Variants in MYT1 observed in about 807,000 individuals in gnomAD.
MYT1 encodes the protein myelin transcription factor I.
In MYT1, 23 loss-of-function variants were observed where a neutral mutation model predicts 123.0. The observed-to-expected ratio is 0.19, with a 90% confidence interval of 0.13 to 0.26. The LOEUF is 0.26. MYT1 is among the 10% of genes least tolerant of loss of function. MYT1 has a pLI of 1.00. For synonymous variants in MYT1, 518 were observed against 575.3 expected (o/e 0.90, Z 1.43); for missense variants, 1,125 against 1,472.5 (o/e 0.76, Z 3.86).
At chr20:64,228,033 T>C in intron 18 of MYT1, 62 bp downstream of exon 18, 3 of 1,525,838 alleles carry the variant, frequency 2.0e-6, no homozygotes, top group Non-Finnish European at 2.7e-6. Flanking sequence ...GTGTGTTTTA[T>C]AATGTAAAAA....
chr20:64,206,870 C>T (rs950807354), intron 6 of MYT1, among the ~76,000 whole-genome samples: 7 of 152,146 alleles, frequency 4.6e-5, no homozygotes, highest in African/African-American at 1.2e-4. Flanking sequence ...GACAACCCTA[C>T]GGGGCCTGCA....
intron 21 of MYT1, among the ~76,000 whole-genome samples, chr20:64,238,033 C>T (rs1169801043): frequency 2.0e-5 from 3 of 151,910 alleles, no homozygotes; most frequent in African/African-American, 7.3e-5. Context: ...GCTGCTGTTG[C>T]TGAGGGTTAG....
rs1982897069 is a variant in MYT1, at chr20:64,189,152, CG to C, written c.-98-910del. On this transcript the variant is annotated intron_variant, in intron 1 of 22. Transcript: ENST00000328439. The surrounding 1 kb of genome is among the most constrained non-coding windows in gnomAD (Gnocchi z 5.5). Reference sequence around the variant, plus strand: ...CATTTGGGGATGCACATCAAAAACACGAGGAAAAGAAAGAAAGTGGGTGGGA... The same window carrying C: ...CATTTGGGGATGCACATCAAAAACACAGGAAAAGAAAGAAAGTGGGTGGGA... Among the ~76,000 whole-genome samples, 1 of 152,156 alleles carries C rather than the reference CG, an allele frequency of 6.6e-6. No individual in the cohort carries two copies. The highest frequency in any genetic ancestry group is 1.5e-5 in the Non-Finnish European group (1 of 68,034).
rs1983449761 is a variant in MYT1 at position 64,205,216 on chromosome 20, C to T, written c.149+119C>T. 2.4e-6 allele frequency: 3 copies of T among 1,247,700 alleles called. No individual in the cohort carries two copies. The Admixed American group carries it at 6.0e-5, about 25-fold the overall frequency. 77.3% of individuals were successfully genotyped at this position (1,247,700 alleles called of 1,614,324 possible). A position where few individuals can be genotyped will look rare whatever the true frequency, so the allele number is the denominator to read the frequency against. On this transcript the variant is annotated intron_variant, in intron 5 of 22. Coordinates refer to ENST00000328439, the MANE Select transcript of MYT1 (RefSeq NM_004535.3). Reference sequence around the variant, plus strand: ...TGGCTCCCAAGGCCAGGCTGCTGACCCTTCTGCGAGGCAGCGACCTCCCAC... The same window carrying T: ...TGGCTCCCAAGGCCAGGCTGCTGACTCTTCTGCGAGGCAGCGACCTCCCAC...
Position 64,227,975 on chromosome 20 carries a change from C to T in MYT1, c.2675+4C>T, listed in dbSNP as rs780792496. 7.4e-6 allele frequency: 12 copies of T among 1,613,734 alleles called. No homozygotes were observed. In the East Asian group the frequency reaches 8.9e-5, roughly 12 times the overall value. Reference sequence around the variant, plus strand: ...AGGAGGACCCCGAGCTGATGAAGTACGTTGGGCCATGCTGGCTCTTTCATT... The same window carrying T: ...AGGAGGACCCCGAGCTGATGAAGTATGTTGGGCCATGCTGGCTCTTTCATT... On this transcript the variant is annotated splice_donor_region_variant and intron_variant, in intron 18 of 22. Coordinates refer to ENST00000328439, the MANE Select transcript of MYT1 (RefSeq NM_004535.3).
chr20:64,219,782 A>G lies in MYT1; in HGVS notation c.2041A>G (p.Asn681Asp), dbSNP rs1209183471. 6.2e-7 allele frequency: 1 copy of G among 1,613,998 alleles called. No homozygotes were observed. The highest frequency in any genetic ancestry group is 8.5e-7 in the Non-Finnish European group (1 of 1,180,024). ...CATGCACAAACACCGCAAACGAGAA[A>G]ATGCTTTCCCCAGCAGCAGCAGCTG... is the stretch of plus-strand genomic sequence containing the variant. Reference protein sequence around the residue: ...LSMHKHRKRENAFPSSSSCSS... With the variant: ...LSMHKHRKREDAFPSSSSCSS... The change falls in exon 13 of 23, where the codon AAT becomes GAT. Residue 681 changes from asparagine (N) to aspartate (D), a missense_variant. Asn to Asp is a conservative substitution (Grantham distance 23). Around this residue, in one of 4 missense-constraint regions of MYT1, gnomAD observed 429 missense variants for 604.1 expected, o/e 0.71. Coordinates refer to ENST00000328439, the MANE Select transcript of MYT1 (RefSeq NM_004535.3).
At position 64,168,255 on chromosome 20, in the gene MYT1, G is replaced by T. The variant is rs1982143241; in HGVS notation, c.-99+3516G>T. On this transcript the variant is annotated intron_variant, in intron 1 of 22. Transcript: ENST00000328439. This position sits in a 1 kb window ranked among gnomAD's most constrained non-coding sequence, Gnocchi z 6.1. The stretch of plus-strand genomic sequence containing the variant: ...AGAGAGAAGAGATTAATGGATACTT[G>T]CAAGTGGAAAGTGTAGTTTGAAAAT... Among the ~76,000 whole-genome samples, 1 of 152,190 alleles carries T rather than the reference G, an allele frequency of 6.6e-6. No homozygotes were observed. The highest frequency in any genetic ancestry group is 2.4e-5 in the African/African-American group (1 of 41,440).
chr20:64,178,423 G>C (rs1382813187), intron 1 of MYT1, among the ~76,000 whole-genome samples: 1 of 152,206 alleles, frequency 6.6e-6, no homozygotes, highest in Non-Finnish European at 1.5e-5. Context: ...GTCTGAAGTC[G>C]TTTTTAGCAC....
chr20:64,195,008 G>A (rs927701210), intron 2 of MYT1, among the ~76,000 whole-genome samples: 4 of 152,062 alleles, frequency 2.6e-5, no homozygotes, highest in African/African-American at 7.2e-5. Context: ...TGATTCTCCT[G>A]CCTCAGCCTC....
At chr20:64,182,073 C>T (rs1037459648) in intron 1 of MYT1, among the ~76,000 whole-genome samples, 2 of 152,222 alleles carry the variant, frequency 1.3e-5, no homozygotes, top group Admixed American at 1.3e-4. Context: ...CGTTTTCTTG[C>T]TGCCTTGCCA....
chr20:64,222,959 C>T (rs181900231), intron 14 of MYT1, 152 bp from the exon 15 acceptor site: 12 of 742,962 alleles, frequency 1.6e-5, no homozygotes, highest in East Asian at 2.5e-5. Context: ...TGAGAGGCAC[C>T]GGCTGTCCTC....
rs142591551 is a variant in MYT1, at chr20:64,210,541, C to G, written c.1292-665C>G. On this transcript the variant is annotated intron_variant, in intron 7 of 22. Transcript: ENST00000328439. The stretch of plus-strand genomic sequence containing the variant: ...TCCCTTTGGAGCCCCCTCCTGGGAC[C>G]CTCCTGCTCTGAGGTGGGAGTTCTG... Among the ~76,000 whole-genome samples the G allele has an allele frequency of 1.4e-3, 210 of 152,322 alleles. 1 individual carries two copies. The highest frequency in any genetic ancestry group is 4.9e-3 in the African/African-American group (204 of 41,556).
chr20:64,205,759 C>T lies in MYT1; in HGVS notation c.356C>T (p.Thr119Met), dbSNP rs567332217. 117 of 1,614,138 alleles carry T rather than the reference C, an allele frequency of 7.2e-5. 1 individual carries two copies. The Admixed American group carries it at 1.4e-3, about 20-fold the overall frequency. Residue 119 changes from threonine to methionine, a missense_variant, in exon 6 of 23, where the codon ACG (threonine) becomes ATG (methionine). Transcript: ENST00000328439. Reference sequence around the variant, plus strand: ...ACTCTGGAGGGGGCCGAGGCTGAGACGTCAGGACAGGACGAGATTCATCGC... The same window carrying T: ...ACTCTGGAGGGGGCCGAGGCTGAGATGTCAGGACAGGACGAGATTCATCGC... ...EGTLEGAEAE[T>M]SGQDEIHRPE...
chr20:64,172,992 G>T (rs922880853), intron 1 of MYT1, among the ~76,000 whole-genome samples: 1 of 152,058 alleles, frequency 6.6e-6, no homozygotes, highest in African/African-American at 2.4e-5. Flanking sequence ...GCCTCCCAAA[G>T]TGTTAGGATT....
chr20:64,173,260 C>G (rs1982341113), intron 1 of MYT1, among the ~76,000 whole-genome samples: 2 of 152,176 alleles, frequency 1.3e-5, no homozygotes, highest in Admixed American at 6.5e-5. Context: ...CTCCTGAGCA[C>G]CGTGGGAGGG....
Position 64,202,803 on chromosome 20 carries a change from C to T in MYT1, c.87-2232C>T, listed in dbSNP as rs1405439614. On this transcript the variant is annotated intron_variant, in intron 4 of 22. Transcript: ENST00000328439. This position sits in a 1 kb window ranked among gnomAD's most constrained non-coding sequence, Gnocchi z 5.0. ...CAGCCTCACGTGCATCCTTTCCTCA[C>T]ATCTCTGACACCAGCCCTAGTCAGA... is the stretch of plus-strand genomic sequence containing the variant. 6.6e-6 allele frequency among the ~76,000 whole-genome samples: 1 copy of T among 152,212 alleles called. No individual in the cohort carries two copies. The highest frequency in any genetic ancestry group is 1.5e-5 in the Non-Finnish European group (1 of 68,042).
chr20:64,183,498 G>T (rs907481416), intron 1 of MYT1, among the ~76,000 whole-genome samples: 13 of 152,188 alleles, frequency 8.5e-5, no homozygotes, highest in African/African-American at 2.9e-4. Flanking sequence ...AGCATTCTAT[G>T]AGGGTTCTTG....
intron 6 of MYT1, 26 bp from the exon 7 acceptor site, chr20:64,207,568 C>G: frequency 6.2e-7 from 1 of 1,600,380 alleles, no homozygotes; most frequent in South Asian, 1.1e-5. Context: ...CTCTCTGGCC[C>G]CCACGTTGAT....
chr20:64,211,467 T>C (rs1601715274), intron 8 of MYT1, 127 bp downstream of exon 8: 1 of 1,002,594 alleles, frequency 1.0e-6, no homozygotes, highest in East Asian at 2.7e-5. Context: ...TTTGTCCAGA[T>C]GCTCATCCTT....
Sources: allele counts gnomAD v4.1 joint callset (sites outside exome capture counted in the v4.1 genomes callset), GRCh38; gene constraint gnomAD v4.1.1; regional missense constraint gnomAD v4.1.1; non-coding constraint Gnocchi (gnomAD v3.1); transcripts MANE v1.5; gene names NCBI Gene and HGNC (gene_info 2026-07-23, HGNC 2026-07-21).